GTF2IRD1: variants seen among roughly 807,000 people sequenced by gnomAD.
GTF2IRD1 encodes general transcription factor II-I repeat domain-containing protein 1.
A neutral mutation model predicts 113.2 loss-of-function variants in GTF2IRD1; 26 were observed. The ratio of observed to expected loss-of-function variants is 0.23; its 90% CI spans 0.17 to 0.32. GTF2IRD1 has a LOEUF of 0.32. Among genes scored for constraint, GTF2IRD1 ranks in the 10% least tolerant of loss-of-function variants. The probability of loss-of-function intolerance (pLI) is 1.00; values close to 1 mark genes in which losing one functional copy is unlikely to be tolerated. For missense variants in GTF2IRD1, 864 were observed against 1,280.8 expected, an observed-to-expected ratio of 0.67 and a Z score of 4.97; for synonymous variants, 484 against 529.1, an observed-to-expected ratio of 0.91 and a Z score of 1.17.
At chr7:74,470,872 C>CGG (rs1794044132) in intron 1 of GTF2IRD1, among the ~76,000 whole-genome samples, 1 of 152,030 alleles carries the variant, frequency 6.6e-6, no homozygotes, top group Non-Finnish European at 1.5e-5. Flanking sequence ...GGCGTGATCT[C>CGG]GGCTCACTGC....
intron 1 of GTF2IRD1, among the ~76,000 whole-genome samples, chr7:74,492,486 T>C (rs1193818292): frequency 2.6e-5 from 4 of 152,114 alleles, no homozygotes; most frequent in African/African-American, 9.7e-5. Context: ...CTGTCATTTT[T>C]TGACTTTAAT....
At chr7:74,520,980 A>G (rs1797261311) in intron 6 of GTF2IRD1, among the ~76,000 whole-genome samples, 1 of 151,732 alleles carries the variant, frequency 6.6e-6, no homozygotes, top group Non-Finnish European at 1.5e-5. Flanking sequence ...GTAACCTCCG[A>G]CATCCCTTTC....
intron 22 of GTF2IRD1, among the ~76,000 whole-genome samples, chr7:74,567,975 TG>T (rs2130845280): frequency 6.6e-6 from 1 of 151,982 alleles, no homozygotes; most frequent in African/African-American, 2.4e-5. Context: ...TTAGTAGAGA[TG>T]GGGTTTCACC....
At chr7:74,510,968 G>T in intron 2 of GTF2IRD1, among the ~76,000 whole-genome samples, 1 of 151,948 alleles carries the variant, frequency 6.6e-6, no homozygotes, top group East Asian at 1.9e-4. Context: ...AGAATCGCCT[G>T]AGCCTGGGAG....
chr7:74,485,902 G>A (rs1213212889), intron 1 of GTF2IRD1, among the ~76,000 whole-genome samples: 6 of 151,808 alleles, frequency 4.0e-5, no homozygotes, highest in Non-Finnish European at 8.8e-5. Context: ...CTCCAGCCTC[G>A]GTGACAGAGT....
chr7:74,536,431 C>G (rs1338249319), intron 11 of GTF2IRD1, among the ~76,000 whole-genome samples, 156 bp downstream of exon 11: 3 of 152,196 alleles, frequency 2.0e-5, no homozygotes, highest in Non-Finnish European at 2.9e-5. Flanking sequence ...CCACCTACTT[C>G]CCTCTGCCTA....
At chr7:74,532,505 G>A (rs1358753438) in intron 9 of GTF2IRD1, among the ~76,000 whole-genome samples, 1 of 152,206 alleles carries the variant, frequency 6.6e-6, no homozygotes, top group Non-Finnish European at 1.5e-5. Context: ...AGTGAGCTAT[G>A]ATCACGCCAC....
In GTF2IRD1 at chr7:74,524,152, A is replaced by T. The variant is rs1797453661; in HGVS notation, c.1088A>T (p.Tyr363Phe). The change falls in exon 8 of 27, where the codon TAT becomes TTT. Residue 363 changes from tyrosine to phenylalanine, a missense_variant and splice_region_variant. Coordinates refer to ENST00000424337, the MANE Select transcript of GTF2IRD1 (RefSeq NM_005685.4). Reference protein sequence around the residue: ...ECVQILFNSRYAEALGLDHMV... With the variant: ...ECVQILFNSRFAEALGLDHMV... ...GTGCAGATCCTGTTTAACAGCAGAT[A>T]TGGTGAGTGGGCGGCGCGGCCCGCC... is the stretch of plus-strand genomic sequence containing the variant. 6.3e-7 allele frequency: 1 copy of T among 1,592,164 alleles called. No individual in the cohort carries two copies. The highest frequency in any genetic ancestry group is 1.7e-5 in the Admixed American group (1 of 59,050).
At chr7:74,533,252 C>T (rs587752919) in intron 9 of GTF2IRD1, among the ~76,000 whole-genome samples, 228 of 151,760 alleles carry the variant, frequency 1.5e-3, no homozygotes, top group African/African-American at 5.2e-3. Flanking sequence ...CTCCTGCCTC[C>T]GCCTCCCAAG....
chr7:74,555,601 C>G lies in GTF2IRD1; in HGVS notation c.2023+107C>G. 1.4e-6 allele frequency: 1 copy of G among 736,344 alleles called. No homozygotes were observed. The highest frequency in any genetic ancestry group is 2.4e-6 in the Non-Finnish European group (1 of 419,466). The allele number at this position is 736,344 out of a possible 1,614,324, so 45.6% of individuals were successfully genotyped here. On this transcript the variant is annotated intron_variant, in intron 19 of 26. Transcript: ENST00000424337. This position sits in a 1 kb window ranked among gnomAD's most constrained non-coding sequence, Gnocchi z 5.3. ...GTGGGGAGGAGCTGGCCCCCAACTTCAGGGCCTAAGGGACCAGGCAAGCCA... is the reference window on the plus strand; with the variant it reads ...GTGGGGAGGAGCTGGCCCCCAACTTGAGGGCCTAAGGGACCAGGCAAGCCA...
chr7:74,462,582 G>A (rs1793443594), intron 1 of GTF2IRD1, among the ~76,000 whole-genome samples: 1 of 152,158 alleles, frequency 6.6e-6, no homozygotes, highest in African/African-American at 2.4e-5. Context: ...TCCTCTCTAG[G>A]GAAATCTAGC....
intron 1 of GTF2IRD1, among the ~76,000 whole-genome samples, chr7:74,464,450 T>G (rs112636688): frequency 0.029 from 4,414 of 152,164 alleles, 249 homozygotes; most frequent in African/African-American, 0.1. Context: ...TTGTTGTTGT[T>G]ATTTGTTTGT....
chr7:74,497,179 T>C (rs1296172449), intron 1 of GTF2IRD1, among the ~76,000 whole-genome samples: 2 of 151,976 alleles, frequency 1.3e-5, no homozygotes, highest in Non-Finnish European at 2.9e-5. Context: ...TAAAATAAAA[T>C]ATAAAAACAG....
intron 1 of GTF2IRD1, among the ~76,000 whole-genome samples, chr7:74,507,857 G>A (rs983471833): frequency 5.9e-5 from 9 of 152,150 alleles, no homozygotes; most frequent in African/African-American, 2.2e-4. Context: ...GACTTAGGAG[G>A]GTGTGCCACA....
chr7:74,542,739 C>T (rs782344280), intron 14 of GTF2IRD1, among the ~76,000 whole-genome samples: 5 of 152,192 alleles, frequency 3.3e-5, no homozygotes, highest in Admixed American at 6.5e-5. Context: ...CATGGCGTGG[C>T]GCCTAAGGAA....
chr7:74,583,553 TG>T (rs1362399423), intron 22 of GTF2IRD1, among the ~76,000 whole-genome samples: 1 of 151,432 alleles, frequency 6.6e-6, no homozygotes, highest in Admixed American at 6.6e-5. Context: ...ACTCCAGAGG[TG>T]GTCAGGACGC....
chr7:74,520,712 G>A (rs587619541), intron 6 of GTF2IRD1, among the ~76,000 whole-genome samples: 1 of 142,562 alleles, frequency 7.0e-6, no homozygotes, highest in East Asian at 2.1e-4. Flanking sequence ...TGGAAGGATT[G>A]CTTGAGCCCA....
Position 74,517,001 on chromosome 7 carries a change from TTTGTTGTTGTTGTTGTTGTTG to T in GTF2IRD1, c.422-1120_422-1100del, listed in dbSNP as rs374786237. 5.7e-3 allele frequency among the ~76,000 whole-genome samples: 516 copies of T among 90,240 alleles called. 2 individuals carry two copies. Among genetic ancestry groups the T allele is most frequent in the Non-Finnish European group, 5.9e-3 (272 of 45,756 alleles). 59.2% of individuals were successfully genotyped at this position (90,240 alleles called of 152,430 possible). The stretch of plus-strand genomic sequence containing the variant: ...CTGTCTCTTTCTCCTCTCTCCTGTC[TTTGTTGTTGTTGTTGTTGTTG>T]TTGTTGTTGTTGTTGTTTTGAGATG... On this transcript the variant is annotated intron_variant, in intron 4 of 26. Coordinates refer to ENST00000424337, the MANE Select transcript of GTF2IRD1 (RefSeq NM_005685.4).
rs115646560 is a variant in GTF2IRD1 at position 74,549,405 on chromosome 7, G to A, written c.1916+2119G>A. On this transcript the variant is annotated intron_variant, in intron 17 of 26. Coordinates refer to ENST00000424337, the MANE Select transcript of GTF2IRD1 (RefSeq NM_005685.4). ...GGAGAATAGATAGTTCTCAAACTGG[G>A]AGACTCACAGCGTCATTTTTCATAC... is the stretch of plus-strand genomic sequence containing the variant. 3.0e-3 allele frequency among the ~76,000 whole-genome samples: 461 copies of A among 152,248 alleles called. 3 individuals are homozygous for A. The highest frequency in any genetic ancestry group is 0.011 in the African/African-American group (437 of 41,550).
Sources: allele counts gnomAD v4.1 joint callset (sites outside exome capture counted in the v4.1 genomes callset), GRCh38; gene constraint gnomAD v4.1.1; non-coding constraint Gnocchi (gnomAD v3.1); transcripts MANE v1.5; gene names NCBI Gene and HGNC (gene_info 2026-07-23, HGNC 2026-07-21).